ZNF627: variants seen among roughly 807,000 people sequenced by gnomAD.
ZNF627 encodes the protein zinc finger protein 627.
Under a neutral mutation model 10.6 loss-of-function variants are expected in ZNF627, and 12 were observed. The ratio of observed to expected loss-of-function variants is 1.13; its 90% CI spans 0.73 to 1.84. The LOEUF (loss-of-function observed/expected upper bound fraction) is 1.84. ZNF627 is among the 40% of genes most tolerant of loss of function. The pLI is 0.00. For missense variants in ZNF627, 504 were observed against 568.4 expected, an observed-to-expected ratio of 0.89 and a Z score of 1.15; for synonymous variants, 176 against 187.1, an observed-to-expected ratio of 0.94 and a Z score of 0.48.
chr19:11,609,471 TTATATATATATATATATATATA>T (rs1168205815), intron 1 of ZNF627, among the ~76,000 whole-genome samples: 1,979 of 53,952 alleles, frequency 0.037, 79 homozygotes, highest in Middle Eastern at 0.17. Flanking sequence ...TTAAAAAATT[TTATATATATATATATATATATA>T]TATATATATA....
intron 1 of ZNF627, among the ~76,000 whole-genome samples, chr19:11,598,404 C>T (rs1205700855): frequency 6.6e-6 from 1 of 151,886 alleles, no homozygotes; most frequent in Non-Finnish European, 1.5e-5. Context: ...CAGACTGAGA[C>T]CAAAAAACTA....
intron 1 of ZNF627, among the ~76,000 whole-genome samples, chr19:11,604,962 A>G (rs1973648578): frequency 6.6e-6 from 1 of 152,090 alleles, no homozygotes; most frequent in African/African-American, 2.4e-5. Flanking sequence ...TCTTGCTGAA[A>G]CTGACTTCTG....
rs1202286827 is a variant in ZNF627, at chr19:11,618,007, G to A, written c.*118G>A. ...TTCACAGTGGAGAAAGACCCTGTAA[G>A]ATAATTGGCTTTAAATTACGAGAGA... On this transcript the variant is annotated 3_prime_UTR_variant, in exon 4 of 4. Transcript: ENST00000361113. The A allele has an allele frequency of 5.9e-6, 5 of 850,982 alleles. No homozygotes were observed. Among genetic ancestry groups the A allele is most frequent in the Non-Finnish European group, 8.6e-6 (5 of 582,016 alleles). The allele number at this position is 850,982 out of a possible 1,614,324, so 52.7% of individuals were successfully genotyped here.
chr19:11,614,780 A>G (rs1036039994), intron 2 of ZNF627, 47 bp from the exon 3 acceptor site: 1 of 1,586,176 alleles, frequency 6.3e-7, no homozygotes, highest in Non-Finnish European at 8.6e-7. Flanking sequence ...TACTTTTTTC[A>G]TAATTTTATA....
At chr19:11,614,946 A>ATTTT (rs5827132) in intron 3 of ZNF627, 59 bp downstream of exon 3, 26 of 939,120 alleles carry the variant, frequency 2.8e-5, no homozygotes, top group Non-Finnish European at 3.3e-5. Flanking sequence ...ATTGTTAGGA[A>ATTTT]TTTTTTTTTT....
At chr19:11,609,471 T>TTATA (rs1168205815) in intron 1 of ZNF627, among the ~76,000 whole-genome samples, 542 of 53,200 alleles carry the variant, frequency 0.01, 11 homozygotes, top group Non-Finnish European at 0.016. Flanking sequence ...TTAAAAAATT[T>TTATA]TATATATATA....
chr19:11,602,613 G>A (rs1009730080), intron 1 of ZNF627, among the ~76,000 whole-genome samples: 1 of 152,160 alleles, frequency 6.6e-6, no homozygotes, highest in African/African-American at 2.4e-5. Flanking sequence ...ATCTGCAGTG[G>A]GGCACTGTTA....
rs1973893574 is a variant in ZNF627, at chr19:11,617,423, T to C, written c.920T>C (p.Phe307Ser). 1.2e-6 allele frequency: 2 copies of C among 1,613,860 alleles called. No individual in the cohort carries two copies. The highest frequency in any genetic ancestry group is 1.7e-6 in the Non-Finnish European group (2 of 1,179,992). Reference protein sequence around the residue: ...HERTHTGEKLFECKECGKALT... With the variant: ...HERTHTGEKLSECKECGKALT... Reference sequence around the variant, plus strand: ...AGGACTCACACCGGAGAGAAACTTTTTGAATGTAAGGAATGCGGGAAGGCT... The same window carrying C: ...AGGACTCACACCGGAGAGAAACTTTCTGAATGTAAGGAATGCGGGAAGGCT... The change falls in exon 4 of 4, where the codon TTT (phenylalanine) becomes TCT (serine). Residue 307 changes from phenylalanine (F) to serine (S), a missense_variant. Phe to Ser is a radical substitution (Grantham distance 155, BLOSUM62 -2). Coordinates refer to ENST00000361113, the MANE Select transcript of ZNF627 (RefSeq NM_145295.4).
chr19:11,606,548 C>T (rs928411478), intron 1 of ZNF627, among the ~76,000 whole-genome samples: 2 of 152,070 alleles, frequency 1.3e-5, no homozygotes, highest in African/African-American at 4.8e-5. Flanking sequence ...GTGGATTGAC[C>T]ATTCTGGGGT....
rs1220863376 is a variant in ZNF627, at chr19:11,617,759, A to G, written c.1256A>G (p.Tyr419Cys). The G allele has an allele frequency of 1.9e-6, 3 of 1,613,440 alleles. No homozygotes were observed. The highest frequency in any genetic ancestry group is 2.2e-5 in the East Asian group (1 of 44,884). Residue 419 changes from tyrosine (Y) to cysteine (C), a missense_variant, in exon 4 of 4, where the codon TAT becomes TGT. Physicochemically the swap from Tyr to Cys is radical, Grantham distance 194. Transcript: ENST00000361113. ...HERTHTGEKP[Y>C]ECKQCGKAFS... ...AGAACTCACACTGGAGAGAAACCCT[A>G]TGAATGTAAGCAATGTGGGAAAGCC...
Position 11,614,537 on chromosome 19 carries a change from C to G in ZNF627, c.14C>G (p.Ala5Gly), listed in dbSNP as rs1013849646. 2 of 1,613,862 alleles carry G rather than the reference C, an allele frequency of 1.2e-6. No homozygotes were observed. The highest frequency in any genetic ancestry group is 1.7e-6 in the Non-Finnish European group (2 of 1,179,964). Residue 5 changes from alanine to glycine, a missense_variant, in exon 2 of 4, where the codon GCC becomes GGC. By Grantham distance (60) the Ala-to-Gly change is moderately conservative. Coordinates refer to ENST00000361113, the MANE Select transcript of ZNF627 (RefSeq NM_145295.4). ...TGGGGGATGTTTCAGGATTCAGTGG[C>G]CTTTGAGGATGTGGCTGTGAACTTC... MDSV[A>G]FEDVAVNFTL...
chr19:11,608,579 G>A (rs1218076993), intron 1 of ZNF627, among the ~76,000 whole-genome samples: 1 of 152,216 alleles, frequency 6.6e-6, no homozygotes, highest in Non-Finnish European at 1.5e-5. Context: ...TGTAAAATCT[G>A]TGTCCCTAAT....
chr19:11,612,520 C>G (rs899666025), intron 1 of ZNF627, among the ~76,000 whole-genome samples: 1 of 145,712 alleles, frequency 6.9e-6, no homozygotes. Context: ...GTGCTGGGTT[C>G]AAGCGATTCT....
At chr19:11,602,037 A>T (rs1181810380) in intron 1 of ZNF627, among the ~76,000 whole-genome samples, 1 of 150,146 alleles carries the variant, frequency 6.7e-6, no homozygotes, top group Non-Finnish European at 1.5e-5. Context: ...AAAATCTGCA[A>T]GCATCTCAGA....
chr19:11,597,660 C>G (rs1268336386), intron 1 of ZNF627, 30 bp downstream of exon 1: 1 of 1,338,978 alleles, frequency 7.5e-7, no homozygotes, highest in South Asian at 2.7e-5. Flanking sequence ...CGTCCCCAGA[C>G]CTGGGGGAGG....
chr19:11,609,332 G>T (rs190118863), intron 1 of ZNF627, among the ~76,000 whole-genome samples: 46 of 151,372 alleles, frequency 3.0e-4, no homozygotes, highest in South Asian at 8.4e-4. Flanking sequence ...TCTTCAAGGT[G>T]GTTAATTTTA....
intron 1 of ZNF627, among the ~76,000 whole-genome samples, chr19:11,609,527 T>TC (rs1167753986): frequency 4.8e-5 from 5 of 104,778 alleles, no homozygotes; most frequent in Non-Finnish European, 8.5e-5. Flanking sequence ...ATGTATTTTT[T>TC]CCCCCCCGAG....
intron 1 of ZNF627, among the ~76,000 whole-genome samples, chr19:11,601,297 CAA>C (rs1260918756): frequency 4.6e-5 from 7 of 151,976 alleles, no homozygotes; most frequent in Non-Finnish European, 1.0e-4. Flanking sequence ...TCTAATGAAA[CAA>C]ATCTGGATTT....
At chr19:11,611,975 G>C (rs561159700) in intron 1 of ZNF627, among the ~76,000 whole-genome samples, 1 of 151,972 alleles carries the variant, frequency 6.6e-6, no homozygotes, top group Admixed American at 6.6e-5. Flanking sequence ...ATTTGTTGGG[G>C]ACTAGTATAG....
Sources: gnomAD v4.1 joint callset for allele counts (sites outside exome capture counted in the v4.1 genomes callset) on GRCh38, gnomAD v4.1.1 for gene constraint, MANE v1.5 for transcripts, NCBI Gene and HGNC (gene_info 2026-07-23, HGNC 2026-07-21) for gene names.